Variants in DISC1 observed in about 807,000 individuals in gnomAD.
DISC1 encodes the protein disrupted in schizophrenia 1 protein.
Under a neutral mutation model 84.5 loss-of-function variants are expected in DISC1, and 57 were observed. The ratio of observed to expected loss-of-function variants is 0.67; its 90% CI spans 0.55 to 0.84. The LOEUF is 0.84. Ranked by LOEUF, DISC1 falls within the 40% of genes least tolerant of loss-of-function variation. The pLI is 0.00. For synonymous variants in DISC1, 411 were observed against 415.2 expected (o/e 0.99, Z 0.12); for missense variants, 1,000 against 1,057.8 (o/e 0.95, Z 0.76).
chr1:231,659,921 T>C (rs1449132670), intron 1 of DISC1, among the ~76,000 whole-genome samples: 1 of 152,190 alleles, frequency 6.6e-6, no homozygotes, highest in Non-Finnish European at 1.5e-5. Flanking sequence ...GTAAGTGCCA[T>C]ATGTCAATGA....
intron 9 of DISC1, among the ~76,000 whole-genome samples, chr1:231,845,148 C>T (rs2083366261): frequency 6.6e-6 from 1 of 152,150 alleles, no homozygotes. Flanking sequence ...TTCAACCCTA[C>T]TTCCCGTCAT....
chr1:231,874,771 C>T (rs946746560), intron 9 of DISC1, among the ~76,000 whole-genome samples: 3 of 151,696 alleles, frequency 2.0e-5, no homozygotes, highest in Non-Finnish European at 2.9e-5. Flanking sequence ...ATTAGCCAGG[C>T]GTGGTGGCGG....
At chr1:231,645,527 A>C (rs146625960) in intron 1 of DISC1, among the ~76,000 whole-genome samples, 112 of 152,058 alleles carry the variant, frequency 7.4e-4, no homozygotes, top group African/African-American at 2.5e-3. Context: ...GTCTTTTAAA[A>C]AATTTATTAT....
At chr1:231,982,115 A>G (rs1223150668) in intron 10 of DISC1, among the ~76,000 whole-genome samples, 1 of 152,248 alleles carries the variant, frequency 6.6e-6, no homozygotes, top group Non-Finnish European at 1.5e-5. Context: ...TGATACTATT[A>G]GAGAAGAGAG....
chr1:231,997,641 C>T (rs1666126985), intron 10 of DISC1, among the ~76,000 whole-genome samples: 1 of 151,962 alleles, frequency 6.6e-6, no homozygotes, highest in Non-Finnish European at 1.5e-5. Flanking sequence ...GGGAGGGGGT[C>T]AAGCAGATGG....
intron 9 of DISC1, among the ~76,000 whole-genome samples, chr1:231,864,323 A>G (rs770769764): frequency 1.3e-5 from 2 of 152,160 alleles, no homozygotes; most frequent in African/African-American, 4.8e-5. Flanking sequence ...TAAGAGGCTC[A>G]TAAGCGTTGC....
intron 12 of DISC1, among the ~76,000 whole-genome samples, chr1:232,030,195 C>G (rs1044962721): frequency 1.3e-5 from 2 of 152,152 alleles, no homozygotes; most frequent in African/African-American, 4.8e-5. Flanking sequence ...TAGTGTGAGT[C>G]TCTAGTGCAT....
chr1:231,969,096 G>A (rs539441299), intron 10 of DISC1, among the ~76,000 whole-genome samples: 149 of 150,540 alleles, frequency 9.9e-4, no homozygotes, highest in African/African-American at 3.3e-3. Flanking sequence ...TCTTCCTGGT[G>A]AAATTGTGGG....
chr1:231,907,326 C>G (rs1420715372), intron 9 of DISC1, among the ~76,000 whole-genome samples: 5 of 151,534 alleles, frequency 3.3e-5, no homozygotes, highest in Non-Finnish European at 5.9e-5. Context: ...CTCCCCCCAC[C>G]CCACAACAGG....
intron 8 of DISC1, among the ~76,000 whole-genome samples, chr1:231,808,595 A>T (rs2079951628): frequency 6.6e-6 from 1 of 152,220 alleles, no homozygotes; most frequent in Non-Finnish European, 1.5e-5. Flanking sequence ...TGAAGGGGAG[A>T]TGGACATGGT....
At chr1:231,779,549 G>GTTTTT (rs762129889) in intron 6 of DISC1, among the ~76,000 whole-genome samples, 4 of 53,580 alleles carry the variant, frequency 7.5e-5, no homozygotes, top group African/African-American at 2.2e-4. Context: ...ACCTATTCTT[G>GTTTTT]TTTTTTTTTT....
rs577075546 is a variant in DISC1 at position 231,856,157 on chromosome 1, T to C, written c.1981+37640T>C. On this transcript the variant is annotated intron_variant, in intron 9 of 12. Coordinates refer to ENST00000439617, the MANE Select transcript of DISC1 (RefSeq NM_018662.3). ...GAGATGGGTTGCCCAATTTGGATGG[T>C]GACCTTTATGAGCTCTCGGTTGGAT... 7.2e-5 allele frequency among the ~76,000 whole-genome samples: 11 copies of C among 152,318 alleles called. No individual in the cohort carries two copies. In the South Asian group the frequency reaches 1.7e-3, roughly 23 times the overall value.
chr1:231,648,230 T>G lies in DISC1; in HGVS notation c.67+21296T>G, dbSNP rs528435901. Reference sequence around the variant, plus strand: ...ATAGCTCTTATTATTTTGAGATACATTCCATCAATACCTAGTTTATTGAGT... The same window carrying G: ...ATAGCTCTTATTATTTTGAGATACAGTCCATCAATACCTAGTTTATTGAGT... On this transcript the variant is annotated intron_variant, in intron 1 of 12. Coordinates refer to ENST00000439617, the MANE Select transcript of DISC1 (RefSeq NM_018662.3). 5.9e-5 allele frequency among the ~76,000 whole-genome samples: 9 copies of G among 152,372 alleles called. No individual in the cohort carries two copies. In the South Asian group the frequency reaches 1.7e-3, roughly 28 times the overall value.
intron 9 of DISC1, among the ~76,000 whole-genome samples, chr1:231,923,160 G>A (rs531159737): frequency 2.6e-5 from 4 of 151,980 alleles, no homozygotes; most frequent in South Asian, 2.1e-4. Context: ...GGTGGCATGC[G>A]TCTGTAATCC....
chr1:231,906,100 G>A (rs1025972312), intron 9 of DISC1, among the ~76,000 whole-genome samples: 6 of 131,972 alleles, frequency 4.5e-5, no homozygotes, highest in Admixed American at 9.1e-5. Flanking sequence ...TCAGCTCACC[G>A]CAACCTCTGC....
At chr1:231,789,631 C>G (rs2078163337) in intron 6 of DISC1, among the ~76,000 whole-genome samples, 1 of 152,158 alleles carries the variant, frequency 6.6e-6, no homozygotes, top group South Asian at 2.1e-4. Flanking sequence ...AGAATAGTTT[C>G]TCACTCCCAA....
At chr1:231,743,670 A>G (rs2073612671) in intron 3 of DISC1, among the ~76,000 whole-genome samples, 1 of 152,224 alleles carries the variant, frequency 6.6e-6, no homozygotes, top group Non-Finnish European at 1.5e-5. Context: ...TCTACTGCGT[A>G]TTTTAAGTGG....
intron 3 of DISC1, among the ~76,000 whole-genome samples, chr1:231,732,698 G>T (rs1420706327): frequency 6.6e-6 from 1 of 152,204 alleles, no homozygotes; most frequent in Non-Finnish European, 1.5e-5. Context: ...TCTAAGGAAT[G>T]TTTCTCTTTC....
intron 9 of DISC1, among the ~76,000 whole-genome samples, chr1:231,840,805 A>T (rs1443090287): frequency 1.3e-5 from 2 of 152,010 alleles, no homozygotes; most frequent in Non-Finnish European, 2.9e-5. Context: ...CCTCAGCCCA[A>T]GGGAATTCTT....
Sources: gnomAD v4.1 joint callset for allele counts (sites outside exome capture counted in the v4.1 genomes callset) on GRCh38, gnomAD v4.1.1 for gene constraint, MANE v1.5 for transcripts, NCBI Gene and HGNC (gene_info 2026-07-23, HGNC 2026-07-21) for gene names.